The following FYB2 variants were observed in gnomAD, a reference collection of about 807,000 sequenced individuals.
The protein encoded by FYB2 is FYN binding protein 2.
Under a neutral mutation model 94.1 loss-of-function variants are expected in FYB2, and 103 were observed. The ratio of observed to expected loss-of-function variants is 1.09; its 90% CI spans 0.93 to 1.29. The LOEUF (loss-of-function observed/expected upper bound fraction) is 1.29, where lower values mean the gene tolerates loss of function less well. FYB2 is among the 50% of genes most tolerant of loss of function. FYB2 has a pLI of 0.00. For synonymous variants in FYB2, 293 were observed against 287.9 expected (o/e 1.02, Z -0.18); for missense variants, 896 against 841.5 (o/e 1.06, Z -0.80).
rs949751681 is a variant in FYB2, at chr1:56,801,828, C to T, written c.10-9025G>A. On this transcript the variant is annotated intron_variant, in intron 1 of 19. Coordinates refer to ENST00000343433, the MANE Select transcript of FYB2 (RefSeq NM_001004303.5). ...AATACATCTTAATTCTTGCCTATCT[C>T]CCACTCCACAGTTACTTGGGTATGT... is the stretch of plus-strand genomic sequence containing the variant. Among the ~76,000 whole-genome samples, 4 of 152,176 alleles carry T rather than the reference C, an allele frequency of 2.6e-5. No homozygotes were observed. In the South Asian group the frequency reaches 8.3e-4, roughly 32 times the overall value.
intron 16 of FYB2, among the ~76,000 whole-genome samples, chr1:56,725,413 T>A (rs1391302519): frequency 6.6e-6 from 1 of 152,100 alleles, no homozygotes; most frequent in Admixed American, 6.6e-5. Flanking sequence ...CTAATTTACT[T>A]GGTTCAGAAT....
At chr1:56,814,242 A>T (rs1230176503) in intron 1 of FYB2, among the ~76,000 whole-genome samples, 1 of 152,204 alleles carries the variant, frequency 6.6e-6, no homozygotes, top group Non-Finnish European at 1.5e-5. Context: ...CAGGGCAGGC[A>T]CCAGAGTGCC....
chr1:56,754,240 C>T (rs1645272357), intron 7 of FYB2, among the ~76,000 whole-genome samples: 1 of 151,994 alleles, frequency 6.6e-6, no homozygotes, highest in Admixed American at 6.6e-5. Context: ...TCATCTCCTG[C>T]TGCTTTTTAC....
At chr1:56,738,824 G>A (rs769507150) in intron 13 of FYB2, among the ~76,000 whole-genome samples, 171 bp from the exon 14 acceptor site, 7 of 152,104 alleles carry the variant, frequency 4.6e-5, no homozygotes, top group Non-Finnish European at 1.0e-4. Flanking sequence ...GTCACAAGAT[G>A]TGCACAAGAT....
At chr1:56,753,319 A>G (rs1368728061) in intron 8 of FYB2, among the ~76,000 whole-genome samples, 4 of 152,120 alleles carry the variant, frequency 2.6e-5, no homozygotes, top group African/African-American at 4.8e-5. Flanking sequence ...AGCAACAAGA[A>G]TACATTTCAT....
At chr1:56,761,537 A>G (rs1645494525) in intron 5 of FYB2, among the ~76,000 whole-genome samples, 1 of 152,206 alleles carries the variant, frequency 6.6e-6, no homozygotes, top group South Asian at 2.1e-4. Context: ...TGGGGCCTAG[A>G]AGTACAGTCT....
chr1:56,792,833 C>G (rs757641075), intron 1 of FYB2, 30 bp from the exon 2 acceptor site: 2 of 1,544,294 alleles, frequency 1.3e-6, no homozygotes, highest in African/African-American at 1.4e-5. Context: ...AACAAACAAA[C>G]AAAAACAAAA....
chr1:56,733,768 G>GTC (rs1466755716), intron 15 of FYB2, among the ~76,000 whole-genome samples: 1 of 152,068 alleles, frequency 6.6e-6, no homozygotes, highest in Non-Finnish European at 1.5e-5. Context: ...TTGTACTGTG[G>GTC]TCTGAGAGGC....
At chr1:56,734,666 G>T (rs994499809) in intron 15 of FYB2, among the ~76,000 whole-genome samples, 1 of 151,928 alleles carries the variant, frequency 6.6e-6, no homozygotes, top group African/African-American at 2.4e-5. Flanking sequence ...CTTGTCAGGC[G>T]GTGAGGGGCT....
At chr1:56,808,043 A>C (rs1206610714) in intron 1 of FYB2, among the ~76,000 whole-genome samples, 2 of 152,150 alleles carry the variant, frequency 1.3e-5, no homozygotes, top group African/African-American at 2.4e-5. Context: ...ATTGTTGTCA[A>C]GAGGTAAGTT....
intron 4 of FYB2, among the ~76,000 whole-genome samples, chr1:56,783,461 G>A (rs532790508): frequency 9.2e-5 from 14 of 152,134 alleles, no homozygotes; most frequent in Non-Finnish European, 1.2e-4. Flanking sequence ...TAGAAATACA[G>A]CTAGAACACA....
intron 4 of FYB2, among the ~76,000 whole-genome samples, chr1:56,770,444 A>G (rs1458911529): frequency 2.0e-5 from 3 of 152,198 alleles, no homozygotes; most frequent in Non-Finnish European, 4.4e-5. Context: ...CAATTTTGAA[A>G]TGAAGACTAC....
intron 5 of FYB2, among the ~76,000 whole-genome samples, chr1:56,760,754 T>C (rs1334520560): frequency 6.6e-6 from 1 of 152,170 alleles, no homozygotes; most frequent in Non-Finnish European, 1.5e-5. Context: ...TTGCCATGGC[T>C]AGTAAACAAA....
chr1:56,728,192 C>T (rs1351019003), intron 15 of FYB2, among the ~76,000 whole-genome samples: 1 of 152,092 alleles, frequency 6.6e-6, no homozygotes, highest in East Asian at 1.9e-4. Flanking sequence ...CAGTTGTCTA[C>T]TCCCCCTCTT....
chr1:56,742,931 T>C (rs1644987782), intron 11 of FYB2, among the ~76,000 whole-genome samples: 1 of 152,044 alleles, frequency 6.6e-6, no homozygotes, highest in Non-Finnish European at 1.5e-5. Flanking sequence ...TTTTTCTTTT[T>C]CTAAAATTTA....
At chr1:56,809,893 G>A (rs770258051) in intron 1 of FYB2, among the ~76,000 whole-genome samples, 36 of 152,068 alleles carry the variant, frequency 2.4e-4, no homozygotes, top group Admixed American at 1.3e-3. Flanking sequence ...TCAGTGAAGT[G>A]GGGATACAGC....
chr1:56,821,631 T>C (rs1330947028), upstream of FYB2, among the ~76,000 whole-genome samples: 1 of 152,236 alleles, frequency 6.6e-6, no homozygotes, highest in African/African-American at 2.4e-5. Flanking sequence ...ACACCAGTAA[T>C]GTCAGTTCCT....
chr1:56,749,066 T>G (rs114807061), intron 9 of FYB2, among the ~76,000 whole-genome samples: 3,622 of 151,852 alleles, frequency 0.024, 164 homozygotes, highest in African/African-American at 0.082. Context: ...TTTTTTTTTT[T>G]TGTGGGTGAT....
chr1:56,740,725 T>G lies in FYB2; in HGVS notation c.1675A>C (p.Lys559Gln), dbSNP rs776217671. Residue 559 changes from lysine to glutamine, a missense_variant, in exon 13 of 20, where the codon AAG becomes CAG. Coordinates refer to ENST00000343433, the MANE Select transcript of FYB2 (RefSeq NM_001004303.5). ...AAGTTTTCTTTCGACTTGGTTTTCT[T>G]TATTTTAAATCTATCCTTTTCTTTC... is the stretch of plus-strand genomic sequence containing the variant. ...FKKEKDRFKI[K>Q]KTKSKENLSA... 9 of 1,606,052 alleles carry G rather than the reference T, an allele frequency of 5.6e-6. No individual in the cohort carries two copies. The highest frequency in any genetic ancestry group is 7.7e-6 in the Non-Finnish European group (9 of 1,175,614).
Sources: gnomAD v4.1 joint callset for allele counts (sites outside exome capture counted in the v4.1 genomes callset) on GRCh38, gnomAD v4.1.1 for gene constraint, MANE v1.5 for transcripts, NCBI Gene and HGNC (gene_info 2026-07-23, HGNC 2026-07-21) for gene names.